Variants in ZFYVE9 observed in about 807,000 individuals in gnomAD.
The protein encoded by ZFYVE9 is zinc finger FYVE domain-containing protein 9.
In ZFYVE9, 43 loss-of-function variants were observed where a neutral mutation model predicts 126.7. That is an observed-to-expected ratio of 0.34 (90% CI 0.27 to 0.44). The LOEUF (loss-of-function observed/expected upper bound fraction) is 0.44. Ranked by LOEUF, ZFYVE9 falls within the 20% of genes least tolerant of loss-of-function variation. ZFYVE9 has a pLI of 1.00. For missense variants in ZFYVE9, 1,476 were observed against 1,697.0 expected, an observed-to-expected ratio of 0.87 and a Z score of 2.29; for synonymous variants, 521 against 597.4, an observed-to-expected ratio of 0.87 and a Z score of 1.87.
At chr1:52,233,049 C>T in intron 2 of ZFYVE9, 122 bp from the exon 3 acceptor site, 1 of 337,116 alleles carries the variant, frequency 3.0e-6, no homozygotes, top group East Asian at 5.1e-5. Flanking sequence ...CAGTGGGATG[C>T]CAGGTTTTGT....
intron 1 of ZFYVE9, among the ~76,000 whole-genome samples, chr1:52,155,264 CT>C (rs1644392075): frequency 1.5e-5 from 2 of 132,706 alleles, no homozygotes; most frequent in South Asian, 4.8e-4. Context: ...GAGACGGAGT[CT>C]CGCTGTCGCC....
chr1:52,314,969 A>G (rs543745694), intron 13 of ZFYVE9, among the ~76,000 whole-genome samples: 1 of 152,322 alleles, frequency 6.6e-6, no homozygotes, highest in East Asian at 1.9e-4. Flanking sequence ...TTTCTCGGAT[A>G]CATATAATTT....
At position 52,337,951 on chromosome 1, in the gene ZFYVE9, T is replaced by G; in HGVS notation, c.3833+17T>G. ...TAGCAAGGGGTAAATGCAGCACATG[T>G]CCCCCTTTGTGGCTTTTAGTTATAG... On this transcript the variant is annotated intron_variant, in intron 16 of 18. Transcript: ENST00000287727. The G allele has an allele frequency of 6.2e-7, 1 of 1,610,824 alleles. No individual in the cohort carries two copies.
rs757285367 is a variant in ZFYVE9, at chr1:52,142,757, A to T, written c.-143+354A>T. Among the ~76,000 whole-genome samples the T allele has an allele frequency of 2.6e-5, 4 of 152,166 alleles. No individual in the cohort carries two copies. Among genetic ancestry groups the T allele is most frequent in the Non-Finnish European group, 5.9e-5 (4 of 68,022 alleles). On this transcript the variant is annotated intron_variant, in intron 1 of 18. Coordinates refer to ENST00000287727, the MANE Select transcript of ZFYVE9 (RefSeq NM_004799.4). This position sits in a 1 kb window ranked among gnomAD's most constrained non-coding sequence, Gnocchi z 4.5. ...CTGCACGTACATCCCGGAGGGAGGCAGATGACGCCTGTTTGCAAACAAGCT... is the reference window on the plus strand; with the variant it reads ...CTGCACGTACATCCCGGAGGGAGGCTGATGACGCCTGTTTGCAAACAAGCT...
intron 4 of ZFYVE9, among the ~76,000 whole-genome samples, chr1:52,259,659 TG>T (rs1174848182): frequency 1.4e-5 from 2 of 147,874 alleles, no homozygotes; most frequent in East Asian, 2.0e-4. Flanking sequence ...TCGCTGGGCA[TG>T]GTGGTGCACA....
At chr1:52,189,443 G>T (rs1367368985) in intron 1 of ZFYVE9, among the ~76,000 whole-genome samples, 2 of 151,916 alleles carry the variant, frequency 1.3e-5, no homozygotes, top group African/African-American at 4.8e-5. Flanking sequence ...TGTCATGTTG[G>T]CCAGGCTGGT....
At chr1:52,305,770 T>C (rs1646078020) in intron 13 of ZFYVE9, among the ~76,000 whole-genome samples, 1 of 152,154 alleles carries the variant, frequency 6.6e-6, no homozygotes, top group Non-Finnish European at 1.5e-5. Context: ...ATCCTCGTGC[T>C]TGGGAAGGCC....
intron 1 of ZFYVE9, among the ~76,000 whole-genome samples, chr1:52,194,772 A>G (rs575403634): frequency 8.5e-5 from 13 of 152,182 alleles, no homozygotes; most frequent in South Asian, 2.1e-4. Context: ...GTACAAGGAT[A>G]TTCATTATAT....
intron 1 of ZFYVE9, among the ~76,000 whole-genome samples, chr1:52,198,109 T>TGG (rs138638682): frequency 7.2e-5 from 3 of 41,466 alleles, no homozygotes; most frequent in African/African-American, 2.2e-4. Flanking sequence ...AATATTGTAG[T>TGG]GTTTTTTTTT....
At chr1:52,201,511 G>A (rs181044786) in intron 1 of ZFYVE9, among the ~76,000 whole-genome samples, 64 of 151,546 alleles carry the variant, frequency 4.2e-4, no homozygotes, top group African/African-American at 1.3e-3. Flanking sequence ...CAAGTAGCTG[G>A]GATTGCAGGT....
intron 2 of ZFYVE9, among the ~76,000 whole-genome samples, chr1:52,226,762 C>T (rs190270821): frequency 2.0e-5 from 3 of 152,204 alleles, no homozygotes; most frequent in Admixed American, 6.5e-5. Context: ...TCCGGAAAGG[C>T]GGGACAATTC....
intron 1 of ZFYVE9, among the ~76,000 whole-genome samples, chr1:52,171,924 C>T (rs945367595): frequency 7.2e-5 from 11 of 152,000 alleles, no homozygotes; most frequent in South Asian, 2.1e-4. Context: ...GAGTAGGTTG[C>T]GAAAATTTTC....
intron 1 of ZFYVE9, among the ~76,000 whole-genome samples, chr1:52,170,019 T>A (rs1644550135): frequency 6.6e-6 from 1 of 152,250 alleles, no homozygotes; most frequent in Non-Finnish European, 1.5e-5. Context: ...TTTGCAGATT[T>A]TACTTAAGAA....
chr1:52,238,400 C>T lies in ZFYVE9; in HGVS notation c.983C>T (p.Thr328Ile). The T allele has an allele frequency of 6.2e-7, 1 of 1,613,978 alleles. No individual in the cohort carries two copies. Among genetic ancestry groups the T allele is most frequent in the Non-Finnish European group, 8.5e-7 (1 of 1,179,984 alleles). ...LMKKEPAEES[T>I]TEESLRSGLP... Reference sequence around the variant, plus strand: ...AAAAAAGAGCCAGCAGAGGAGAGCACCACTGAAGAATCCCTCCGGTCTGGT... The same window carrying T: ...AAAAAAGAGCCAGCAGAGGAGAGCATCACTGAAGAATCCCTCCGGTCTGGT... The change falls in exon 4 of 19, where the codon ACC becomes ATC. Residue 328 changes from threonine to isoleucine, a missense_variant. Around this residue, in one of 2 missense-constraint regions of ZFYVE9, gnomAD observed 807 missense variants for 794.6 expected, o/e 1.02. Coordinates refer to ENST00000287727, the MANE Select transcript of ZFYVE9 (RefSeq NM_004799.4).
intron 17 of ZFYVE9, among the ~76,000 whole-genome samples, chr1:52,342,914 T>TTC (rs909587509): frequency 6.6e-6 from 1 of 151,484 alleles, no homozygotes; most frequent in African/African-American, 2.4e-5. Flanking sequence ...CAAATTAATT[T>TTC]TTTTTTTTTT....
At chr1:52,269,277 C>T (rs920438703) in intron 7 of ZFYVE9, among the ~76,000 whole-genome samples, 10 of 151,944 alleles carry the variant, frequency 6.6e-5, no homozygotes, top group African/African-American at 2.2e-4. Context: ...TTACAGGCGC[C>T]TGCCATCATG....
chr1:52,146,147 C>T (rs1320009899), intron 1 of ZFYVE9, among the ~76,000 whole-genome samples: 4 of 151,960 alleles, frequency 2.6e-5, no homozygotes, highest in African/African-American at 9.7e-5. Context: ...TTGTATTTGG[C>T]ATTGTAAGTA....
intron 1 of ZFYVE9, among the ~76,000 whole-genome samples, chr1:52,182,163 G>C (rs577199177): frequency 6.6e-6 from 1 of 151,164 alleles, no homozygotes; most frequent in Non-Finnish European, 1.5e-5. Context: ...CTGCCCCATC[G>C]GGGAGGTGAG....
intron 4 of ZFYVE9, among the ~76,000 whole-genome samples, chr1:52,246,899 G>A (rs984081363): frequency 2.0e-5 from 3 of 152,094 alleles, no homozygotes; most frequent in African/African-American, 4.8e-5. Context: ...GTAGAGACGG[G>A]GTTTCATCAT....
Sources: gnomAD v4.1 joint callset for allele counts (sites outside exome capture counted in the v4.1 genomes callset) on GRCh38, gnomAD v4.1.1 for gene constraint, gnomAD v4.1.1 regional missense constraint, Gnocchi (gnomAD v3.1) non-coding constraint, MANE v1.5 for transcripts, NCBI Gene and HGNC (gene_info 2026-07-23, HGNC 2026-07-21) for gene names.